Variants in EGFR observed in about 807,000 individuals in gnomAD.
EGFR encodes epidermal growth factor receptor, also known as avian erythroblastic leukemia viral (v-erb-b) oncogene homolog.
Under a neutral mutation model 143.0 loss-of-function variants are expected in EGFR, and 58 were observed. That is an observed-to-expected ratio of 0.41 (90% CI 0.33 to 0.50). The LOEUF (loss-of-function observed/expected upper bound fraction) is 0.50. EGFR is among the 20% of genes least tolerant of loss of function. EGFR has a pLI of 0.39. For synonymous variants in EGFR, 613 were observed against 594.4 expected (o/e 1.03, Z -0.45); for missense variants, 1,307 against 1,579.0 (o/e 0.83, Z 2.92).
chr7:55,079,015 G>GT (rs1790302870), intron 1 of EGFR, among the ~76,000 whole-genome samples: 1 of 152,228 alleles, frequency 6.6e-6, no homozygotes, highest in Admixed American at 6.5e-5. Context: ...AAAAGAGAAC[G>GT]TAAGTTCAGG....
intron 1 of EGFR, among the ~76,000 whole-genome samples, chr7:55,066,095 G>C (rs550886434): frequency 6.6e-6 from 1 of 152,158 alleles, no homozygotes; most frequent in Admixed American, 6.5e-5. Flanking sequence ...CGTTCGTGGT[G>C]TGTGACAGAG....
chr7:55,194,123 G>T (rs188868062), intron 22 of EGFR, among the ~76,000 whole-genome samples: 1 of 151,772 alleles, frequency 6.6e-6, no homozygotes. Flanking sequence ...CAAGCAGCCC[G>T]CCCCTCCCAC....
intron 19 of EGFR, among the ~76,000 whole-genome samples, chr7:55,177,463 C>T (rs577378670): frequency 3.3e-5 from 5 of 152,344 alleles, no homozygotes; most frequent in Admixed American, 1.3e-4. Flanking sequence ...CCCCCACAGC[C>T]GGCACACACA....
chr7:55,089,127 A>C (rs1790947213), intron 1 of EGFR, among the ~76,000 whole-genome samples: 1 of 152,112 alleles, frequency 6.6e-6, no homozygotes, highest in South Asian at 2.1e-4. Flanking sequence ...AGCTTATGTC[A>C]TTCATACATA....
At chr7:55,114,202 C>T (rs185574081) in intron 1 of EGFR, among the ~76,000 whole-genome samples, 218 of 152,352 alleles carry the variant, frequency 1.4e-3, no homozygotes, top group African/African-American at 4.7e-3. Context: ...TGTTTTTGCT[C>T]ATTAACAGTA....
At chr7:55,203,100 CACAT>C in intron 27 of EGFR, 1 of 270,788 alleles carries the variant, frequency 3.7e-6, no homozygotes, top group South Asian at 9.8e-5. Context: ...CTAACACACA[CACAT>C]ATACACACAC....
At chr7:55,174,585 C>T in intron 18 of EGFR, 137 bp from the exon 19 acceptor site, 1 of 772,690 alleles carries the variant, frequency 1.3e-6, no homozygotes, top group Non-Finnish European at 2.3e-6. Flanking sequence ...GCAATATCAG[C>T]CTTAGGTGCG....
At chr7:55,034,503 C>G (rs904345803) in intron 1 of EGFR, among the ~76,000 whole-genome samples, 5 of 152,190 alleles carry the variant, frequency 3.3e-5, no homozygotes, top group African/African-American at 1.2e-4. Flanking sequence ...GCTTGATTCA[C>G]TGATGACTGG....
At chr7:55,104,031 G>A (rs75735829) in intron 1 of EGFR, among the ~76,000 whole-genome samples, 1 of 152,158 alleles carries the variant, frequency 6.6e-6, no homozygotes, top group African/African-American at 2.4e-5. Flanking sequence ...GTCAATCGAG[G>A]CCCAACTCAA....
chr7:55,164,196 T>G (rs1160651030), intron 14 of EGFR, among the ~76,000 whole-genome samples: 1 of 152,260 alleles, frequency 6.6e-6, no homozygotes, highest in African/African-American at 2.4e-5. Context: ...TGAAGAATTT[T>G]TAAAGAAATT....
chr7:55,202,741 A>C (rs1221821362), intron 27 of EGFR, 116 bp downstream of exon 27: 2 of 934,576 alleles, frequency 2.1e-6, no homozygotes, highest in Non-Finnish European at 3.4e-6. Flanking sequence ...AGGGGGAAAC[A>C]GTGGCAGATT....
intron 16 of EGFR, 108 bp from the exon 17 acceptor site, chr7:55,172,875 C>A (rs751326458): frequency 1.9e-6 from 3 of 1,608,086 alleles, no homozygotes; most frequent in Non-Finnish European, 2.5e-6. Flanking sequence ...TTTCCAAGAT[C>A]ATTCTACAAG....
intron 1 of EGFR, among the ~76,000 whole-genome samples, chr7:55,135,265 C>A (rs1490105810): frequency 6.6e-6 from 1 of 151,724 alleles, no homozygotes; most frequent in Non-Finnish European, 1.5e-5. Context: ...ATGTTATTTT[C>A]AAGTCTTCTG....
At chr7:55,090,490 A>G (rs997412367) in intron 1 of EGFR, among the ~76,000 whole-genome samples, 2 of 152,170 alleles carry the variant, frequency 1.3e-5, no homozygotes, top group Non-Finnish European at 2.9e-5. Flanking sequence ...TGACTTGGCC[A>G]TATTATTTAG....
chr7:55,080,123 A>G (rs894774851), intron 1 of EGFR, among the ~76,000 whole-genome samples: 4 of 152,108 alleles, frequency 2.6e-5, no homozygotes, highest in Non-Finnish European at 5.9e-5. Flanking sequence ...CAAGTTTCAT[A>G]GTATTTTGTT....
chr7:55,128,184 C>T (rs910272353), intron 1 of EGFR, among the ~76,000 whole-genome samples: 3 of 152,204 alleles, frequency 2.0e-5, no homozygotes, highest in Non-Finnish European at 2.9e-5. Context: ...CACGAGTCTC[C>T]TAGACCACCG....
chr7:55,171,011 A>G (rs1786324048), intron 15 of EGFR, 164 bp from the exon 16 acceptor site: 3 of 1,480,024 alleles, frequency 2.0e-6, no homozygotes, highest in Admixed American at 2.3e-5. Flanking sequence ...GAATAAATGC[A>G]TAATAAATAA....
At chr7:55,118,603 G>A (rs903009782) in intron 1 of EGFR, among the ~76,000 whole-genome samples, 1 of 152,278 alleles carries the variant, frequency 6.6e-6, no homozygotes, top group East Asian at 1.9e-4. Context: ...ACTGGCTGTG[G>A]CTAGCTGGAT....
At chr7:55,102,438 T>C (rs1162606581) in intron 1 of EGFR, among the ~76,000 whole-genome samples, 1 of 152,212 alleles carries the variant, frequency 6.6e-6, no homozygotes, top group Non-Finnish European at 1.5e-5. Flanking sequence ...AACTCTGCTT[T>C]AAAAGCAGCT....
Sources: allele counts gnomAD v4.1 joint callset (sites outside exome capture counted in the v4.1 genomes callset), GRCh38; gene constraint gnomAD v4.1.1; transcripts MANE v1.5; gene names NCBI Gene and HGNC (gene_info 2026-07-23, HGNC 2026-07-21).